FMN2: variants seen among roughly 807,000 people sequenced by gnomAD.
The protein encoded by FMN2 is formin-2.
In FMN2, 51 loss-of-function variants were observed where a neutral mutation model predicts 142.3. The observed-to-expected ratio is 0.36, with a 90% confidence interval of 0.29 to 0.45. FMN2 has a LOEUF of 0.45. Among genes scored for constraint, FMN2 ranks in the 20% least tolerant of loss-of-function variants. FMN2 has a pLI of 1.00. For missense variants in FMN2, 1,936 were observed against 2,122.8 expected, an observed-to-expected ratio of 0.91 and a Z score of 1.73; for synonymous variants, 882 against 869.8, an observed-to-expected ratio of 1.01 and a Z score of -0.25.
chr1:240,178,455 T>C (rs1455325956), intron 3 of FMN2, among the ~76,000 whole-genome samples: 2 of 151,434 alleles, frequency 1.3e-5, no homozygotes, highest in Non-Finnish European at 2.9e-5. Context: ...TTCTTTTTTT[T>C]TTTTTTTCTG....
chr1:240,147,636 G>A (rs1445663776), intron 2 of FMN2, among the ~76,000 whole-genome samples: 2 of 152,134 alleles, frequency 1.3e-5, no homozygotes, highest in African/African-American at 4.8e-5. Flanking sequence ...AGGAATACAG[G>A]TGTGAGCCAT....
intron 2 of FMN2, among the ~76,000 whole-genome samples, chr1:240,147,492 AT>A (rs796678072): frequency 4.0e-5 from 6 of 149,712 alleles, no homozygotes; most frequent in African/African-American, 9.8e-5. Context: ...CAAAAGAGTG[AT>A]TTTTTTTTTC....
intron 6 of FMN2, 48 bp from the exon 7 acceptor site, chr1:240,257,897 T>C (rs755977056): frequency 3.4e-6 from 5 of 1,481,910 alleles, no homozygotes; most frequent in Non-Finnish European, 4.7e-6. Context: ...AGTAAGCATA[T>C]TGGAGTTCAA....
At chr1:240,128,461 T>C (rs1662599747) in intron 2 of FMN2, among the ~76,000 whole-genome samples, 1 of 152,186 alleles carries the variant, frequency 6.6e-6, no homozygotes, top group Non-Finnish European at 1.5e-5. Flanking sequence ...TGATTCTAAA[T>C]CTACTTAATC....
intron 1 of FMN2, among the ~76,000 whole-genome samples, chr1:240,116,218 GCT>G (rs1662015820): frequency 6.6e-6 from 1 of 152,160 alleles, no homozygotes; most frequent in Non-Finnish European, 1.5e-5. Flanking sequence ...GTGGAGCTCC[GCT>G]CTGTCTTCAG....
intron 7 of FMN2, among the ~76,000 whole-genome samples, chr1:240,286,466 T>C (rs1028402064): frequency 4.6e-5 from 7 of 152,184 alleles, no homozygotes; most frequent in African/African-American, 1.7e-4. Context: ...GTTGGACAAG[T>C]GCCTGTTGCC....
At chr1:240,378,771 G>A (rs762647026) in intron 14 of FMN2, among the ~76,000 whole-genome samples, 43 of 151,748 alleles carry the variant, frequency 2.8e-4, no homozygotes, top group African/African-American at 8.0e-4. Context: ...TTTTTATTTC[G>A]GATACTGTAT....
At position 240,093,389 on chromosome 1, in the gene FMN2, G is replaced by A; in HGVS notation, c.1280G>A (p.Ser427Asn). The change falls in exon 1 of 18, where the codon AGC (serine) becomes AAC (asparagine). Residue 427 changes from serine to asparagine, a missense_variant. Around this residue, in one of 8 missense-constraint regions of FMN2, gnomAD observed 751 missense variants for 791.8 expected, o/e 0.95. Transcript: ENST00000319653. Reference sequence around the variant, plus strand: ...ATCAAGACCACCACCCGGCAGCTCAGCTCGCCCAATCACTCCCCGTCTCAG... The same window carrying A: ...ATCAAGACCACCACCCGGCAGCTCAACTCGCCCAATCACTCCCCGTCTCAG... Reference protein sequence around the residue: ...CYIKTTTRQLSSPNHSPSQSP... With the variant: ...CYIKTTTRQLNSPNHSPSQSP... 1 of 1,613,362 alleles carries A rather than the reference G, an allele frequency of 6.2e-7. No homozygotes were observed. The highest frequency in any genetic ancestry group is 8.5e-7 in the Non-Finnish European group (1 of 1,179,664).
chr1:240,263,646 T>C (rs1301895162), intron 7 of FMN2, among the ~76,000 whole-genome samples: 1 of 152,216 alleles, frequency 6.6e-6, no homozygotes, highest in African/African-American at 2.4e-5. Flanking sequence ...CTTTCTTGCG[T>C]AGTGCTGGTC....
At chr1:240,258,118 T>G in intron 7 of FMN2, 86 bp downstream of exon 7, 2 of 1,048,364 alleles carry the variant, frequency 1.9e-6, no homozygotes, top group Non-Finnish European at 2.9e-6. Context: ...TATTTCAAAC[T>G]TAGAGTTTCT....
rs1298755948 is a variant in FMN2, at chr1:240,092,921, A to G, written c.812A>G (p.Gln271Arg). The G allele has an allele frequency of 4.7e-6, 7 of 1,476,706 alleles. No homozygotes were observed. The South Asian group carries it at 8.0e-5, about 17-fold the overall frequency. The allele number at this position is 1,476,706 out of a possible 1,614,324, so 91.5% of individuals were successfully genotyped here. ...GEAPGSPDTE[Q>R]ALSALSDLPE... ...GCCCCGGGCAGTCCGGACACCGAGCAGGCGCTGTCCGCGCTCTCCGACCTG... is the reference window on the plus strand; with the variant it reads ...GCCCCGGGCAGTCCGGACACCGAGCGGGCGCTGTCCGCGCTCTCCGACCTG... Residue 271 changes from glutamine to arginine, a missense_variant, in exon 1 of 18, where the codon CAG becomes CGG. Gln to Arg is a conservative substitution (Grantham distance 43). Coordinates refer to ENST00000319653, the MANE Select transcript of FMN2 (RefSeq NM_020066.5).
intron 7 of FMN2, among the ~76,000 whole-genome samples, chr1:240,289,041 C>T (rs1204280313): frequency 6.6e-6 from 1 of 152,196 alleles, no homozygotes; most frequent in Non-Finnish European, 1.5e-5. Context: ...TCCATGTGTG[C>T]TCTGTAAGCC....
At chr1:240,389,032 A>T (rs564561064) in intron 14 of FMN2, among the ~76,000 whole-genome samples, 1 of 152,292 alleles carries the variant, frequency 6.6e-6, no homozygotes, top group South Asian at 2.1e-4. Flanking sequence ...ATGACTGGAA[A>T]TCTGCCATCC....
intron 2 of FMN2, among the ~76,000 whole-genome samples, chr1:240,162,190 G>C (rs1428226253): frequency 6.6e-6 from 1 of 151,410 alleles, no homozygotes; most frequent in Non-Finnish European, 1.5e-5. Context: ...AAGCAGCTGG[G>C]CATGGTGGCT....
chr1:240,311,899 C>T (rs1178094401), intron 8 of FMN2, among the ~76,000 whole-genome samples: 1 of 152,206 alleles, frequency 6.6e-6, no homozygotes, highest in Non-Finnish European at 1.5e-5. Context: ...GATCATAGCT[C>T]ACTACAGCCT....
intron 15 of FMN2, among the ~76,000 whole-genome samples, chr1:240,414,141 C>G (rs554819594): frequency 6.6e-6 from 1 of 152,224 alleles, no homozygotes; most frequent in African/African-American, 2.4e-5. Flanking sequence ...TGAGTGCCTC[C>G]TACGTGAGAA....
intron 2 of FMN2, chr1:240,143,507 C>T: frequency 5.1e-6 from 8 of 1,576,884 alleles, no homozygotes; most frequent in Non-Finnish European, 7.0e-6. Flanking sequence ...TTGTCTTCCT[C>T]CTTCTCTTTG....
chr1:240,229,544 G>GCTC (rs1426822709), intron 6 of FMN2, among the ~76,000 whole-genome samples: 1 of 152,204 alleles, frequency 6.6e-6, no homozygotes, highest in Non-Finnish European at 1.5e-5. Context: ...CCAATGTACT[G>GCTC]TTTATAAAAA....
chr1:240,161,470 G>A (rs143162073), intron 2 of FMN2, among the ~76,000 whole-genome samples: 188 of 151,608 alleles, frequency 1.2e-3, no homozygotes, highest in Non-Finnish European at 2.5e-3. Flanking sequence ...GAGGCGGAAC[G>A]TGCAGTGAGG....
Sources: gnomAD v4.1 joint callset for allele counts (sites outside exome capture counted in the v4.1 genomes callset) on GRCh38, gnomAD v4.1.1 for gene constraint, gnomAD v4.1.1 regional missense constraint, MANE v1.5 for transcripts, NCBI Gene and HGNC (gene_info 2026-07-23, HGNC 2026-07-21) for gene names.